The following MLIP variants were observed in gnomAD, a reference collection of about 807,000 sequenced individuals.
MLIP encodes the protein muscular LMNA-interacting protein.
MLIP carries 79 observed loss-of-function variants against 84.8 expected under a neutral mutation model. The observed-to-expected ratio is 0.93, with a 90% CI of 0.78 to 1.12. The LOEUF (loss-of-function observed/expected upper bound fraction) is 1.12. Among genes scored for constraint, MLIP ranks in the 50% most tolerant of loss-of-function variants. The probability of loss-of-function intolerance (pLI) is 0.00; values close to 1 mark genes in which losing one functional copy is unlikely to be tolerated. For synonymous variants in MLIP, 504 were observed against 463.0 expected (o/e 1.09, Z -1.14); for missense variants, 1,257 against 1,160.6 (o/e 1.08, Z -1.21).
chr6:54,172,359 C>T (rs146960748), intron 9 of MLIP, among the ~76,000 whole-genome samples: 4 of 151,680 alleles, frequency 2.6e-5, no homozygotes, highest in East Asian at 1.9e-4. Context: ...TTCATTGATT[C>T]GACAAATATT....
At chr6:54,046,214 CTT>C (rs1299742029) in intron 1 of MLIP, 1 of 151,172 alleles carries the variant, frequency 6.6e-6, no homozygotes, top group Non-Finnish European at 1.5e-5. Flanking sequence ...AATAACCTAA[CTT>C]ATATTAACTT....
At chr6:54,034,388 T>C (rs866334902) in intron 1 of MLIP, among the ~76,000 whole-genome samples, 2 of 152,178 alleles carry the variant, frequency 1.3e-5, no homozygotes, top group South Asian at 4.1e-4. Context: ...TATGATGATG[T>C]TTTGGTCAAT....
At chr6:54,039,546 A>T (rs948985947) in intron 1 of MLIP, among the ~76,000 whole-genome samples, 9 of 151,768 alleles carry the variant, frequency 5.9e-5, no homozygotes, top group African/African-American at 2.2e-4. Flanking sequence ...GAAATTTTTG[A>T]TATGGTGCTC....
At chr6:54,237,326 G>A (rs59832538) in intron 12 of MLIP, among the ~76,000 whole-genome samples, 4,146 of 151,910 alleles carry the variant, frequency 0.027, 173 homozygotes, top group African/African-American at 0.092. Context: ...GTTGAGGAGA[G>A]GGGGTGGGGC....
intron 2 of MLIP, among the ~76,000 whole-genome samples, chr6:54,123,344 G>A (rs1197151369): frequency 6.6e-6 from 1 of 151,982 alleles, no homozygotes; most frequent in African/African-American, 2.4e-5. Flanking sequence ...GGGAAGGCAG[G>A]CAATGAAAAA....
chr6:54,187,877 C>A (rs6931929), intron 9 of MLIP, among the ~76,000 whole-genome samples: 4,579 of 152,130 alleles, frequency 0.03, 197 homozygotes, highest in African/African-American at 0.1. Flanking sequence ...TGTGGCAGCA[C>A]GCGCCTGTAC....
intron 9 of MLIP, among the ~76,000 whole-genome samples, chr6:54,181,120 G>T (rs1349099815): frequency 1.3e-5 from 2 of 152,142 alleles, no homozygotes; most frequent in Non-Finnish European, 2.9e-5. Context: ...GCCCTCCGCG[G>T]TTCCACAAAT....
intron 1 of MLIP, among the ~76,000 whole-genome samples, chr6:54,028,006 T>A (rs1763917217): frequency 6.6e-6 from 1 of 152,230 alleles, no homozygotes. Flanking sequence ...CTAGTTGTTC[T>A]GTCTCAAGTA....
intron 8 of MLIP, among the ~76,000 whole-genome samples, chr6:54,164,967 G>A (rs1406241848): frequency 6.6e-6 from 1 of 151,912 alleles, no homozygotes; most frequent in South Asian, 2.1e-4. Context: ...ACTTATCTTG[G>A]GTAAATACTT....
chr6:54,235,082 T>A (rs1168974246), intron 12 of MLIP, among the ~76,000 whole-genome samples: 1 of 152,244 alleles, frequency 6.6e-6, no homozygotes, highest in Non-Finnish European at 1.5e-5. Context: ...ACTTCTGTGA[T>A]GAAAATCACA....
chr6:54,227,313 A>G (rs1443990584), intron 11 of MLIP, among the ~76,000 whole-genome samples: 8 of 152,196 alleles, frequency 5.3e-5, no homozygotes, highest in African/African-American at 1.9e-4. Flanking sequence ...ACAGACTTAT[A>G]CAGAGGACAA....
chr6:54,058,742 T>C (rs1765799248), intron 1 of MLIP, among the ~76,000 whole-genome samples: 1 of 152,192 alleles, frequency 6.6e-6, no homozygotes. Context: ...CCATACATCA[T>C]ACAAAAAATT....
Position 54,202,091 on chromosome 6 carries a change from T to C in MLIP, c.2590-14T>C. ...TTTTCCTGTTTTTAAAATATTTATTTTACATTCATGAAGACTAAGCCTGGA... is the reference window on the plus strand; with the variant it reads ...TTTTCCTGTTTTTAAAATATTTATTCTACATTCATGAAGACTAAGCCTGGA... On this transcript the variant is annotated splice_polypyrimidine_tract_variant and intron_variant, in intron 10 of 13. Transcript: ENST00000502396. 1 of 1,530,920 alleles carries C rather than the reference T, an allele frequency of 6.5e-7. No individual in the cohort carries two copies. Among genetic ancestry groups the C allele is most frequent in the Non-Finnish European group, 8.8e-7 (1 of 1,137,786 alleles). 94.8% of individuals were successfully genotyped at this position (1,530,920 alleles called of 1,614,324 possible). A position where few individuals can be genotyped will look rare whatever the true frequency, so the allele number is the denominator to read the frequency against.
intron 1 of MLIP, among the ~76,000 whole-genome samples, chr6:54,028,139 G>T (rs1008609616): frequency 6.6e-6 from 1 of 152,108 alleles, no homozygotes; most frequent in Non-Finnish European, 1.5e-5. Flanking sequence ...TTAAAAAAAT[G>T]GTTAGAGGAT....
At chr6:54,209,696 T>A (rs1037364054) in intron 11 of MLIP, among the ~76,000 whole-genome samples, 3 of 152,192 alleles carry the variant, frequency 2.0e-5, no homozygotes, top group African/African-American at 7.2e-5. Context: ...CTTTGAAACC[T>A]TTAGAGGGAA....
In MLIP at chr6:54,088,023, C is replaced by A. The variant is rs9464022; in HGVS notation, c.64-33424C>A. 2.4e-3 allele frequency among the ~76,000 whole-genome samples: 358 copies of A among 152,202 alleles called. 1 individual carries two copies. Among genetic ancestry groups the A allele is most frequent in the African/African-American group, 8.2e-3 (342 of 41,544 alleles). On this transcript the variant is annotated intron_variant, in intron 1 of 12. Transcript: ENST00000274897. The stretch of plus-strand genomic sequence containing the variant: ...AGCTTCCTTTTGGAGTCTTCAGAAA[C>A]GGCCATGGTATCATTTTCAAGTTAG...
rs1562009455 is a variant in MLIP, at chr6:54,169,532, C to T, written c.2504C>T (p.Pro835Leu). Residue 835 changes from proline to leucine, a missense_variant, in exon 9 of 14, where the codon CCT becomes CTT. Coordinates refer to ENST00000502396, the MANE Select transcript of MLIP (RefSeq NM_001281747.2). ...ATTGTTTTTATTTTCATACAGACTC[C>T]TACAACTCTTCCAAGAGCAGCTGGT... ...TLLGSDTVKT[P>L]TTLPRAAGRE... The T allele has an allele frequency of 6.3e-7, 1 of 1,590,030 alleles. No homozygotes were observed. Among genetic ancestry groups the T allele is most frequent in the Admixed American group, 1.8e-5 (1 of 56,630 alleles).
At chr6:54,021,296 T>G (rs1763487153) in intron 1 of MLIP, among the ~76,000 whole-genome samples, 1 of 152,192 alleles carries the variant, frequency 6.6e-6, no homozygotes, top group Non-Finnish European at 1.5e-5. Context: ...AAATATTTTT[T>G]CCATTAAAAT....
At chr6:54,041,827 G>C (rs1263297063) in intron 1 of MLIP, among the ~76,000 whole-genome samples, 2 of 152,078 alleles carry the variant, frequency 1.3e-5, no homozygotes, top group African/African-American at 4.8e-5. Context: ...CATTTTGGCT[G>C]GTACAATTCC....
Sources: gnomAD v4.1 joint callset for allele counts (sites outside exome capture counted in the v4.1 genomes callset) on GRCh38, gnomAD v4.1.1 for gene constraint, MANE v1.5 for transcripts, NCBI Gene and HGNC (gene_info 2026-07-23, HGNC 2026-07-21) for gene names.